ZFP90: variants seen among roughly 807,000 people sequenced by gnomAD.
ZFP90 encodes the protein zinc finger protein 90 homolog.
In ZFP90, 38 loss-of-function variants were observed where a neutral mutation model predicts 60.8. The ratio of observed to expected loss-of-function variants is 0.62; its 90% CI spans 0.48 to 0.82. ZFP90 has a LOEUF of 0.82. Among genes scored for constraint, ZFP90 ranks in the 40% least tolerant of loss-of-function variants. The pLI is 0.00. For synonymous variants in ZFP90, 287 were observed against 264.8 expected, an observed-to-expected ratio of 1.08 and a Z score of -0.82; for missense variants, 711 against 759.1, an observed-to-expected ratio of 0.94 and a Z score of 0.74.
Position 68,548,474 on chromosome 16 carries a change from C to CTTT in ZFP90, c.33+8677_33+8679dup, listed in dbSNP as rs551779570. 1.1e-3 allele frequency among the ~76,000 whole-genome samples: 87 copies of CTTT among 81,084 alleles called. 6 individuals are homozygous for CTTT. The highest frequency in any genetic ancestry group is 1.6e-3 in the African/African-American group (31 of 19,012). 53.2% of individuals were successfully genotyped at this position (81,084 alleles called of 152,430 possible). A position where few individuals can be genotyped will look rare whatever the true frequency, so the allele number is the denominator to read the frequency against. On this transcript the variant is annotated intron_variant, in intron 2 of 4. Coordinates refer to ENST00000563169, the MANE Select transcript of ZFP90 (RefSeq NM_001305203.2). ...ATATTTCACTGTTCTGTTTATCCTC[C>CTTT]TTTTTTTTTTTTTTTTTTTTTTTTT... is the stretch of plus-strand genomic sequence containing the variant.
intron 3 of ZFP90, 135 bp from the exon 4 acceptor site, chr16:68,558,338 G>C (rs1194380735): frequency 4.6e-6 from 5 of 1,092,620 alleles, no homozygotes; most frequent in Non-Finnish European, 6.9e-6. Context: ...CAATTTGATT[G>C]CATGACTCCT....
Position 68,566,065 on chromosome 16 carries a change from A to G in ZFP90, c.*1367A>G. On this transcript the variant is annotated 3_prime_UTR_variant, in exon 5 of 5. Transcript: ENST00000563169. ...GGGAGGATCACTGGAACCCGGGAGCAGAGACTGCAGTGAGCTGAGATCACA... is the reference window on the plus strand; with the variant it reads ...GGGAGGATCACTGGAACCCGGGAGCGGAGACTGCAGTGAGCTGAGATCACA... 1 of 953,890 alleles carries G rather than the reference A, an allele frequency of 1.0e-6. No homozygotes were observed. Among genetic ancestry groups the G allele is most frequent in the Non-Finnish European group, 1.2e-6 (1 of 801,210 alleles). 59.1% of individuals were successfully genotyped at this position (953,890 alleles called of 1,614,324 possible).
chr16:68,538,049 A>G (rs1274034295), upstream of ZFP90, among the ~76,000 whole-genome samples: 1 of 152,002 alleles, frequency 6.6e-6, no homozygotes, highest in African/African-American at 2.4e-5. Flanking sequence ...AGTAGCTGGG[A>G]TTACAGGCAT....
rs1273687055 is a variant in ZFP90 at position 68,565,864 on chromosome 16, C to T, written c.*1166C>T. ...ACTTGGCTAGGTATGGTGTCTCACA[C>T]CTGTAATCCCAGCACTTTGGGTGGC... On this transcript the variant is annotated 3_prime_UTR_variant, in exon 5 of 5. Coordinates refer to ENST00000563169, the MANE Select transcript of ZFP90 (RefSeq NM_001305203.2). 2.0e-6 allele frequency: 2 copies of T among 984,398 alleles called. No homozygotes were observed. Among genetic ancestry groups the T allele is most frequent in the Non-Finnish European group, 2.4e-6 (2 of 829,102 alleles). 61.0% of individuals were successfully genotyped at this position (984,398 alleles called of 1,614,324 possible). A position where few individuals can be genotyped will look rare whatever the true frequency, so the allele number is the denominator to read the frequency against.
intron 2 of ZFP90, 66 bp from the exon 3 acceptor site, chr16:68,557,932 T>C: frequency 6.2e-7 from 1 of 1,605,292 alleles, no homozygotes; most frequent in Non-Finnish European, 8.5e-7. Context: ...CTGCAGTATG[T>C]TCCCAGCATT....
Position 68,566,947 on chromosome 16 carries a change from A to G in ZFP90, c.*2249A>G. 1.0e-6 allele frequency: 1 copy of G among 985,478 alleles called. No individual in the cohort carries two copies. The highest frequency in any genetic ancestry group is 1.2e-6 in the Non-Finnish European group (1 of 829,934). The allele number at this position is 985,478 out of a possible 1,614,324, so 61.0% of individuals were successfully genotyped here. A position where few individuals can be genotyped will look rare whatever the true frequency, so the allele number is the denominator to read the frequency against. On this transcript the variant is annotated 3_prime_UTR_variant, in exon 5 of 5. Transcript: ENST00000563169. ...GCCTAGATCCAGCCACCACTCTGAA[A>G]CTCAGCACATCTTCATTGACAGGGA... is the stretch of plus-strand genomic sequence containing the variant.
chr16:68,563,890 G>A lies in ZFP90; in HGVS notation c.1103G>A (p.Cys368Tyr). Reference protein sequence around the residue: ...VTHSGEKPFQCKECGKAFSRC... With the variant: ...VTHSGEKPFQYKECGKAFSRC... Reference sequence around the variant, plus strand: ...CACAGTGGAGAGAAGCCCTTCCAGTGTAAGGAATGTGGGAAAGCCTTTAGT... The same window carrying A: ...CACAGTGGAGAGAAGCCCTTCCAGTATAAGGAATGTGGGAAAGCCTTTAGT... The change falls in exon 5 of 5, where the codon TGT becomes TAT. Residue 368 changes from cysteine to tyrosine, a missense_variant. Physicochemically the swap from Cys to Tyr is radical, Grantham distance 194. Coordinates refer to ENST00000563169, the MANE Select transcript of ZFP90 (RefSeq NM_001305203.2). 6.2e-7 allele frequency: 1 copy of A among 1,614,148 alleles called. No individual in the cohort carries two copies. The highest frequency in any genetic ancestry group is 8.5e-7 in the Non-Finnish European group (1 of 1,180,020).
chr16:68,539,741 C>T lies in ZFP90; in HGVS notation c.-35-17C>T. On this transcript the variant is annotated splice_polypyrimidine_tract_variant and intron_variant, in intron 1 of 4. Transcript: ENST00000563169. The stretch of plus-strand genomic sequence containing the variant: ...GGTGTTGCAGCGGGGTGAGTGGGCC[C>T]TGTCCTTTCTCCCCAGCTCCTGCCC... The T allele has an allele frequency of 3.9e-6, 6 of 1,538,328 alleles. No individual in the cohort carries two copies. The highest frequency in any genetic ancestry group is 1.8e-4 in the Middle Eastern group (1 of 5,586).
downstream of ZFP90, among the ~76,000 whole-genome samples, chr16:68,568,232 A>C (rs922942975): frequency 9.9e-5 from 15 of 152,254 alleles, no homozygotes; most frequent in African/African-American, 3.6e-4. Flanking sequence ...GGCATATGGT[A>C]GATACTTAAT....
intron 2 of ZFP90, among the ~76,000 whole-genome samples, chr16:68,575,342 G>A (rs1274126404): frequency 6.6e-6 from 1 of 152,130 alleles, no homozygotes; most frequent in South Asian, 2.1e-4. Flanking sequence ...CATCCAAGAA[G>A]AATGAGGTTA....
At chr16:68,569,329 G>A (rs188984863), downstream of ZFP90, among the ~76,000 whole-genome samples, 33 of 151,564 alleles carry the variant, frequency 2.2e-4, no homozygotes, top group East Asian at 6.3e-3. Flanking sequence ...TAGAGATGGG[G>A]TTTCACCATG....
In ZFP90 at chr16:68,558,552, A is replaced by G. The variant is rs376435819; in HGVS notation, c.240A>G (p.Gln80=). The G allele has an allele frequency of 1.3e-5, 21 of 1,613,770 alleles. No individual in the cohort carries two copies. The highest frequency in any genetic ancestry group is 1.7e-5 in the Non-Finnish European group (20 of 1,179,868). ...CATGGATATCAGAGGGAGAAATCCA[A>G]CGACCTTTCTATCCAGGTAAATGAG... ...EEPWISEGEI[Q]RPFYPDWKTR... is the part of the protein sequence containing the mutation. Residue 80 remains glutamine (Q), a synonymous_variant, in exon 4 of 5, where the codon CAA becomes CAG. Transcript: ENST00000563169.
chr16:68,561,420 A>G (rs1250205926), intron 4 of ZFP90, among the ~76,000 whole-genome samples: 10 of 152,098 alleles, frequency 6.6e-5, no homozygotes, highest in Admixed American at 2.0e-4. Context: ...ATCCAAAGCC[A>G]TTTGTTCTTT....
downstream of ZFP90, among the ~76,000 whole-genome samples, chr16:68,569,786 A>T (rs554601918): frequency 6.6e-6 from 1 of 152,062 alleles, no homozygotes; most frequent in African/African-American, 2.4e-5. Context: ...CAAAAAAATA[A>T]TTTTTTTAAA....
At position 68,564,757 on chromosome 16, in the gene ZFP90, C is replaced by A; in HGVS notation, c.*59C>A. 1.3e-6 allele frequency: 2 copies of A among 1,528,202 alleles called. No individual in the cohort carries two copies. The highest frequency in any genetic ancestry group is 1.7e-6 in the Non-Finnish European group (2 of 1,143,868). The allele number at this position is 1,528,202 out of a possible 1,614,324, so 94.7% of individuals were successfully genotyped here. A position where few individuals can be genotyped will look rare whatever the true frequency, so the allele number is the denominator to read the frequency against. On this transcript the variant is annotated 3_prime_UTR_variant, in exon 5 of 5. Coordinates refer to ENST00000563169, the MANE Select transcript of ZFP90 (RefSeq NM_001305203.2). ...TAGCTAAAATGTTCTGATTCAGGAT[C>A]AGAGGATTCTTAGAGAGCTTGGGAA...
In ZFP90 at chr16:68,563,629, C is replaced by T; in HGVS notation, c.842C>T (p.Pro281Leu). 1.2e-6 allele frequency: 2 copies of T among 1,614,088 alleles called. No homozygotes were observed. The highest frequency in any genetic ancestry group is 2.2e-5 in the East Asian group (1 of 44,884). Reference protein sequence around the residue: ...EHQRIHTGEKPFECNVCGKAF... With the variant: ...EHQRIHTGEKLFECNVCGKAF... ...CAGAGAATTCACACTGGGGAGAAAC[C>T]CTTTGAATGCAATGTATGTGGAAAG... Residue 281 changes from proline to leucine, a missense_variant, in exon 5 of 5, where the codon CCC becomes CTC. Pro to Leu is a moderately conservative substitution (Grantham distance 98). This residue lies in a region of ZFP90 where 146 missense variants were observed against 201.4 expected (regional missense o/e 0.73). Transcript: ENST00000563169.
rs1055502117 is a variant in ZFP90 at position 68,539,315 on chromosome 16, C to G, written c.-200C>G. The G allele has an allele frequency of 5.4e-5, 9 of 165,272 alleles. No individual in the cohort carries two copies. Among genetic ancestry groups the G allele is most frequent in the Non-Finnish European group, 1.0e-4 (8 of 77,154 alleles). The allele number at this position is 165,272 out of a possible 1,614,324, so 10.2% of individuals were successfully genotyped here. A position where few individuals can be genotyped will look rare whatever the true frequency, so the allele number is the denominator to read the frequency against. ...CACTTCCAGTTCTGCCCCACCGCTG[C>G]GGCCATTGTCCGACCCCGGTGCGGC... On this transcript the variant is annotated 5_prime_UTR_variant, in exon 1 of 5. Transcript: ENST00000563169.
chr16:68,537,131 CTTT>C (rs34680664), upstream of ZFP90, among the ~76,000 whole-genome samples: 1 of 146,008 alleles, frequency 6.8e-6, no homozygotes. Context: ...TGTTGTTGGG[CTTT>C]TTTTTTTTTG....
upstream of ZFP90, among the ~76,000 whole-genome samples, chr16:68,535,091 G>T (rs1380467178): frequency 6.6e-6 from 1 of 152,040 alleles, no homozygotes; most frequent in African/African-American, 2.4e-5. Flanking sequence ...CATATTTCTT[G>T]GGATTATATC....
Sources: allele counts gnomAD v4.1 joint callset (sites outside exome capture counted in the v4.1 genomes callset), GRCh38; gene constraint gnomAD v4.1.1; regional missense constraint gnomAD v4.1.1; transcripts MANE v1.5; gene names NCBI Gene and HGNC (gene_info 2026-07-23, HGNC 2026-07-21).